AGBL4: variants seen among roughly 807,000 people sequenced by gnomAD.
AGBL4 encodes the protein AGBL carboxypeptidase 4, also known as cytosolic carboxypeptidase 6.
AGBL4 carries 58 observed loss-of-function variants against 66.4 expected under a neutral mutation model. The ratio of observed to expected loss-of-function variants is 0.87; its 90% CI spans 0.71 to 1.09. The LOEUF (loss-of-function observed/expected upper bound fraction) is 1.09, where lower values mean the gene tolerates loss of function less well. Among genes scored for constraint, AGBL4 ranks in the 50% least tolerant of loss-of-function variants. AGBL4 has a pLI of 0.00. For missense variants in AGBL4, 579 were observed against 631.0 expected (o/e 0.92, Z 0.88); for synonymous variants, 234 against 222.9 (o/e 1.05, Z -0.44).
In AGBL4 at chr1:49,779,560, C is replaced by T. The variant is rs547507224; in HGVS notation, c.157+71836G>A. On this transcript the variant is annotated intron_variant, in intron 2 of 13. Coordinates refer to ENST00000371839, the MANE Select transcript of AGBL4 (RefSeq NM_032785.4). ...CACTGAGTAAGAGTGGGAAAACCAC[C>T]GCAGCTGAGGTCCCCCAATAAGGAG... 2.3e-4 allele frequency among the ~76,000 whole-genome samples: 35 copies of T among 152,174 alleles called. 1 individual carries two copies. The highest frequency in any genetic ancestry group is 4.6e-4 in the Admixed American group (7 of 15,270).
chr1:49,258,038 T>A (rs922085994), intron 3 of AGBL4, among the ~76,000 whole-genome samples: 1 of 152,202 alleles, frequency 6.6e-6, no homozygotes, highest in African/African-American at 2.4e-5. Flanking sequence ...CCGCTGCTGA[T>A]AGCCAGGCAA....
intron 4 of AGBL4, among the ~76,000 whole-genome samples, chr1:49,059,319 C>G (rs1571345757): frequency 6.6e-6 from 1 of 152,264 alleles, no homozygotes; most frequent in Admixed American, 6.5e-5. Context: ...GCGCAAGCTC[C>G]AAACCTGGGC....
intron 4 of AGBL4, among the ~76,000 whole-genome samples, chr1:49,131,400 C>T (rs554717410): frequency 6.6e-6 from 1 of 152,068 alleles, no homozygotes; most frequent in Non-Finnish European, 1.5e-5. Flanking sequence ...AATTACATCT[C>T]GATAAATTGA....
intron 3 of AGBL4, among the ~76,000 whole-genome samples, chr1:49,596,928 C>T (rs189959062): frequency 1.3e-5 from 2 of 152,316 alleles, no homozygotes; most frequent in Admixed American, 1.3e-4. Flanking sequence ...TGTTCAATAG[C>T]AAGCAATTTG....
chr1:48,539,501 A>T, intron 12 of AGBL4, 141 bp downstream of exon 12: 3 of 594,906 alleles, frequency 5.0e-6, no homozygotes, highest in Non-Finnish European at 8.0e-6. Flanking sequence ...TGCCCCATAA[A>T]ATCTCGGTGG....
At chr1:49,761,022 G>T (rs1451744641) in intron 2 of AGBL4, among the ~76,000 whole-genome samples, 1 of 152,058 alleles carries the variant, frequency 6.6e-6, no homozygotes, top group Non-Finnish European at 1.5e-5. Context: ...GCCTGTTGGG[G>T]GGTGGGGGTA....
At chr1:49,622,462 T>C (rs1472956743) in intron 3 of AGBL4, among the ~76,000 whole-genome samples, 1 of 150,656 alleles carries the variant, frequency 6.6e-6, no homozygotes, top group Non-Finnish European at 1.5e-5. Flanking sequence ...ACCCCGTCTC[T>C]ACTAAAAATA....
At chr1:49,599,288 A>T (rs1196681246) in intron 3 of AGBL4, among the ~76,000 whole-genome samples, 1 of 152,086 alleles carries the variant, frequency 6.6e-6, no homozygotes, top group African/African-American at 2.4e-5. Flanking sequence ...AGAACTTGTT[A>T]TTGGTCTATT....
chr1:49,117,392 T>G (rs1645548948), intron 4 of AGBL4, among the ~76,000 whole-genome samples: 1 of 152,226 alleles, frequency 6.6e-6, no homozygotes, highest in African/African-American at 2.4e-5. Context: ...GAATTAATTT[T>G]TGTATAAGGT....
At chr1:48,528,758 A>G (rs1031420542), downstream of AGBL4, among the ~76,000 whole-genome samples, 24 of 152,190 alleles carry the variant, frequency 1.6e-4, no homozygotes, top group Non-Finnish European at 3.2e-4. Context: ...CAGCTGGCAG[A>G]GAAGATCTGT....
At chr1:49,004,863 C>A (rs1661658435) in intron 5 of AGBL4, among the ~76,000 whole-genome samples, 1 of 152,140 alleles carries the variant, frequency 6.6e-6, no homozygotes, top group Non-Finnish European at 1.5e-5. Flanking sequence ...ATACCTTGAC[C>A]TTTGAATATA....
At chr1:49,794,984 G>A (rs1278688383) in intron 2 of AGBL4, among the ~76,000 whole-genome samples, 1 of 151,778 alleles carries the variant, frequency 6.6e-6, no homozygotes, top group Admixed American at 6.6e-5. Context: ...AAATGAATTG[G>A]AAAATAATCA....
chr1:49,219,848 A>G (rs999056620), intron 4 of AGBL4, among the ~76,000 whole-genome samples: 3 of 152,186 alleles, frequency 2.0e-5, no homozygotes, highest in Non-Finnish European at 4.4e-5. Context: ...CCATTAGTCA[A>G]TCTAACAACA....
At chr1:49,592,641 T>C (rs945043868) in intron 3 of AGBL4, among the ~76,000 whole-genome samples, 1 of 152,100 alleles carries the variant, frequency 6.6e-6, no homozygotes, top group Non-Finnish European at 1.5e-5. Context: ...GAAAAAATAC[T>C]CAACATCATT....
chr1:49,381,547 A>G (rs556236084), intron 3 of AGBL4, among the ~76,000 whole-genome samples: 40 of 152,258 alleles, frequency 2.6e-4, no homozygotes, highest in African/African-American at 8.2e-4. Context: ...ACATGCACAC[A>G]TATGTTTATT....
chr1:49,748,060 G>A (rs1485401983), intron 2 of AGBL4, among the ~76,000 whole-genome samples: 4 of 151,838 alleles, frequency 2.6e-5, no homozygotes, highest in African/African-American at 4.8e-5. Context: ...TGTGCAGAAC[G>A]TGCAAGTTTG....
At chr1:49,254,229 C>A (rs1652297317) in intron 3 of AGBL4, among the ~76,000 whole-genome samples, 1 of 152,084 alleles carries the variant, frequency 6.6e-6, no homozygotes, top group Non-Finnish European at 1.5e-5. Context: ...GTCCATCTAT[C>A]CGTGTTTCTA....
chr1:48,750,802 G>A (rs1651606629), intron 6 of AGBL4, among the ~76,000 whole-genome samples: 3 of 152,174 alleles, frequency 2.0e-5, no homozygotes, highest in Admixed American at 2.0e-4. Context: ...GCATGGCAGG[G>A]AGACAGCAGA....
intron 3 of AGBL4, among the ~76,000 whole-genome samples, chr1:49,432,225 A>G (rs1220381099): frequency 6.6e-6 from 1 of 152,206 alleles, no homozygotes; most frequent in Admixed American, 6.5e-5. Flanking sequence ...ATTATAGATT[A>G]AAAGAAGTTA....
Sources: allele counts gnomAD v4.1 joint callset (sites outside exome capture counted in the v4.1 genomes callset), GRCh38; gene constraint gnomAD v4.1.1; transcripts MANE v1.5; gene names NCBI Gene and HGNC (gene_info 2026-07-23, HGNC 2026-07-21).